The following BCAR3 variants were observed in gnomAD, a reference collection of about 807,000 sequenced individuals.
BCAR3 encodes breast cancer anti-estrogen resistance protein 3.
BCAR3 carries 37 observed loss-of-function variants against 80.1 expected under a neutral mutation model. The ratio of observed to expected loss-of-function variants is 0.46; its 90% CI spans 0.36 to 0.61. The LOEUF (loss-of-function observed/expected upper bound fraction) is 0.61, where lower values mean the gene tolerates loss of function less well. BCAR3 is among the 20% of genes least tolerant of loss of function. BCAR3 has a pLI of 0.00. For missense variants in BCAR3, 978 were observed against 1,068.2 expected (o/e 0.92, Z 1.18); for synonymous variants, 389 against 418.9 (o/e 0.93, Z 0.87).
intron 2 of BCAR3, among the ~76,000 whole-genome samples, chr1:93,798,734 T>A (rs1571135748): frequency 6.6e-6 from 1 of 152,206 alleles, no homozygotes; most frequent in Non-Finnish European, 1.5e-5. Flanking sequence ...TTGTTTGGTA[T>A]TTTTCAAACT....
At chr1:93,684,125 C>T (rs555268646), upstream of BCAR3, among the ~76,000 whole-genome samples, 1 of 152,224 alleles carries the variant, frequency 6.6e-6, no homozygotes, top group Non-Finnish European at 1.5e-5. Context: ...GTTGTATTTT[C>T]CCCCAAGTGT....
At chr1:93,609,066 C>G in intron 3 of BCAR3, among the ~76,000 whole-genome samples, 1 of 152,252 alleles carries the variant, frequency 6.6e-6, no homozygotes, top group East Asian at 1.9e-4. Context: ...ACCACACACA[C>G]GCACCGCCAC....
At chr1:93,768,180 G>A (rs1365898887) in intron 2 of BCAR3, among the ~76,000 whole-genome samples, 1 of 152,210 alleles carries the variant, frequency 6.6e-6, no homozygotes, top group Admixed American at 6.5e-5. Flanking sequence ...GACCCCATTT[G>A]CAGAGAGACG....
At chr1:93,719,762 CA>C (rs1187838396) in intron 2 of BCAR3, among the ~76,000 whole-genome samples, 1 of 152,166 alleles carries the variant, frequency 6.6e-6, no homozygotes, top group Admixed American at 6.5e-5. Context: ...AGACAATCAG[CA>C]AGTGTTTCAT....
At chr1:93,589,537 G>A in intron 4 of BCAR3, 118 bp from the exon 5 acceptor site, 2 of 870,182 alleles carry the variant, frequency 2.3e-6, no homozygotes, top group East Asian at 2.7e-5. Context: ...TCTCTTCTTG[G>A]GTCAGCTCTT....
chr1:93,775,651 A>G (rs1396248421), intron 2 of BCAR3, among the ~76,000 whole-genome samples: 5 of 152,244 alleles, frequency 3.3e-5, no homozygotes, highest in Non-Finnish European at 5.9e-5. Flanking sequence ...TCAGGGACCA[A>G]TTTGAAATAA....
At chr1:93,637,171 TA>T (rs201411281) in intron 3 of BCAR3, among the ~76,000 whole-genome samples, 11 of 151,658 alleles carry the variant, frequency 7.3e-5, no homozygotes, top group Non-Finnish European at 2.9e-5. Context: ...GGAGAAAATG[TA>T]AAATTTTTTT....
intron 2 of BCAR3, among the ~76,000 whole-genome samples, chr1:93,765,822 A>G (rs1324394985): frequency 6.6e-6 from 1 of 151,864 alleles, no homozygotes; most frequent in Non-Finnish European, 1.5e-5. Flanking sequence ...GCCCACCACC[A>G]TGCCCGGCTA....
intron 3 of BCAR3, among the ~76,000 whole-genome samples, chr1:93,686,859 A>G (rs1648988765): frequency 6.6e-6 from 1 of 152,208 alleles, no homozygotes; most frequent in Admixed American, 6.5e-5. Flanking sequence ...CAAAGAGGGT[A>G]GTATCCCTAT....
intron 2 of BCAR3, among the ~76,000 whole-genome samples, chr1:93,725,380 C>T (rs148070838): frequency 6.6e-6 from 1 of 152,332 alleles, no homozygotes; most frequent in African/African-American, 2.4e-5. Context: ...GCCTGTACTT[C>T]CTTTGCTAAT....
At chr1:93,837,434 C>G (rs760618356) in intron 2 of BCAR3, among the ~76,000 whole-genome samples, 61 of 152,098 alleles carry the variant, frequency 4.0e-4, no homozygotes, top group Non-Finnish European at 7.2e-4. Flanking sequence ...TCTTCATTCC[C>G]CAAAACTTCA....
intron 2 of BCAR3, 43 bp downstream of exon 2, chr1:93,674,571 G>C: frequency 6.3e-7 from 1 of 1,599,682 alleles, no homozygotes; most frequent in African/African-American, 1.3e-5. Flanking sequence ...TTAAAAAGCT[G>C]TTTAAGACAA....
chr1:93,610,754 C>T (rs982550483), intron 3 of BCAR3, among the ~76,000 whole-genome samples: 8 of 151,972 alleles, frequency 5.3e-5, no homozygotes, highest in East Asian at 3.9e-4. Context: ...AAGATCAGCA[C>T]GGCCAACATG....
At chr1:93,846,271 G>A (rs1043918267) in intron 1 of BCAR3, among the ~76,000 whole-genome samples, 1 of 152,206 alleles carries the variant, frequency 6.6e-6, no homozygotes, top group Non-Finnish European at 1.5e-5. Context: ...GCGGGTATGG[G>A]TGAAGCACAG....
intron 2 of BCAR3, among the ~76,000 whole-genome samples, chr1:93,833,365 C>T (rs571866385): frequency 3.9e-5 from 6 of 152,276 alleles, no homozygotes; most frequent in South Asian, 2.1e-4. Flanking sequence ...TTCCATGTCC[C>T]GCTGTGCATG....
At chr1:93,711,861 A>T (rs998969978) in intron 2 of BCAR3, among the ~76,000 whole-genome samples, 24 of 152,154 alleles carry the variant, frequency 1.6e-4, no homozygotes. Flanking sequence ...CAAAACATGG[A>T]CATTGCATAG....
Position 93,656,873 on chromosome 1 carries a change from T to C in BCAR3, c.318-14530A>G, listed in dbSNP as rs59499114. On this transcript the variant is annotated intron_variant, in intron 2 of 11. Transcript: ENST00000260502. ...GATATGAGCCACTGCACCCGGCCTCTAATATCTAAAGTCTTTGTGGGTCTC... is the reference window on the plus strand; with the variant it reads ...GATATGAGCCACTGCACCCGGCCTCCAATATCTAAAGTCTTTGTGGGTCTC... Among the ~76,000 whole-genome samples the C allele has an allele frequency of 1.1e-3, 170 of 152,318 alleles. 1 individual carries two copies. The highest frequency in any genetic ancestry group is 4.0e-3 in the African/African-American group (167 of 41,574).
rs116797661 is a variant in BCAR3 at position 93,586,687 on chromosome 1, T to A, written c.929+2290A>T. 4.5e-3 allele frequency among the ~76,000 whole-genome samples: 687 copies of A among 152,352 alleles called. 10 individuals carry two copies. Among genetic ancestry groups the A allele is most frequent in the African/African-American group, 0.016 (666 of 41,580 alleles). ...TCAACAGTGTAGGAGGGTTCCCTTT[T>A]CCCCACAATCCTCACCAGCATTTGT... On this transcript the variant is annotated intron_variant, in intron 5 of 11. Transcript: ENST00000260502. The surrounding 1 kb of genome is among the most constrained non-coding windows in gnomAD (Gnocchi z 4.2).
At chr1:93,588,924 A>T (rs1256705304) in intron 5 of BCAR3, 53 bp downstream of exon 5, 3 of 1,485,516 alleles carry the variant, frequency 2.0e-6, no homozygotes, top group Non-Finnish European at 2.7e-6. Context: ...TGCCTAACTA[A>T]CCTTGGGCAC....
Sources: gnomAD v4.1 joint callset for allele counts (sites outside exome capture counted in the v4.1 genomes callset) on GRCh38, gnomAD v4.1.1 for gene constraint, Gnocchi (gnomAD v3.1) non-coding constraint, MANE v1.5 for transcripts, NCBI Gene and HGNC (gene_info 2026-07-23, HGNC 2026-07-21) for gene names.